Variants in FKBP3 observed in about 807,000 individuals in gnomAD.
FKBP3 encodes the protein FKBP prolyl isomerase 3.
FKBP3 carries 21 observed loss-of-function variants against 30.6 expected under a neutral mutation model. The ratio of observed to expected loss-of-function variants is 0.69; its 90% confidence interval spans 0.49 to 0.99. The LOEUF (loss-of-function observed/expected upper bound fraction) is 0.99, where lower values mean the gene tolerates loss of function less well. Among genes scored for constraint, FKBP3 ranks in the 50% least tolerant of loss-of-function variants. The pLI is 0.00. For missense variants in FKBP3, 283 were observed against 261.6 expected, an observed-to-expected ratio of 1.08 and a Z score of -0.56; for synonymous variants, 82 against 91.3, an observed-to-expected ratio of 0.90 and a Z score of 0.58.
intron 4 of FKBP3, 68 bp downstream of exon 4, chr14:45,121,417 C>T (rs991425233): frequency 1.5e-6 from 2 of 1,344,254 alleles, no homozygotes; most frequent in Middle Eastern, 2.6e-4. Flanking sequence ...GCTAACTACT[C>T]ATCTGTCTGC....
At chr14:45,120,825 G>T in intron 5 of FKBP3, 62 bp downstream of exon 5, 1 of 1,321,368 alleles carries the variant, frequency 7.6e-7, no homozygotes, top group Non-Finnish European at 1.1e-6. Context: ...ATTCTTTACA[G>T]CACCATACCA....
At chr14:45,128,564 C>T (rs1025854827) in intron 3 of FKBP3, among the ~76,000 whole-genome samples, 2 of 152,218 alleles carry the variant, frequency 1.3e-5, no homozygotes, top group South Asian at 4.1e-4. Context: ...AATGCCTGCT[C>T]TCCAGTCCCA....
intron 3 of FKBP3, among the ~76,000 whole-genome samples, chr14:45,123,205 C>A (rs935430584): frequency 2.0e-5 from 3 of 151,000 alleles, no homozygotes; most frequent in African/African-American, 7.3e-5. Flanking sequence ...AAAGTCTGAT[C>A]TCCTTGCAAA....
chr14:45,126,519 T>C (rs1279941381), intron 3 of FKBP3, among the ~76,000 whole-genome samples: 2 of 151,834 alleles, frequency 1.3e-5, no homozygotes, highest in Non-Finnish European at 2.9e-5. Flanking sequence ...AATACGTCTA[T>C]AGAAACATGG....
intron 1 of FKBP3, among the ~76,000 whole-genome samples, chr14:45,133,854 C>T (rs1726865444): frequency 6.6e-6 from 1 of 152,178 alleles, no homozygotes. Flanking sequence ...AAAACTTAAA[C>T]CACAACCTAC....
At chr14:45,130,084 T>G (rs1233839514) in intron 2 of FKBP3, among the ~76,000 whole-genome samples, 183 bp from the exon 3 acceptor site, 1 of 152,180 alleles carries the variant, frequency 6.6e-6, no homozygotes, top group African/African-American at 2.4e-5. Context: ...TAATTTATTT[T>G]TAAACAATAA....
At chr14:45,118,843 C>A (rs2139076191) in intron 5 of FKBP3, among the ~76,000 whole-genome samples, 1 of 152,136 alleles carries the variant, frequency 6.6e-6, no homozygotes, top group Admixed American at 6.6e-5. Flanking sequence ...CACGTTGGCA[C>A]ATAAAATACA....
chr14:45,126,848 T>C (rs1543448), intron 3 of FKBP3, among the ~76,000 whole-genome samples: 102,927 of 151,778 alleles, frequency 0.68, 36,292 homozygotes, highest in African/African-American at 0.88. Context: ...CTGAGTCTCC[T>C]TCTATTGCCC....
chr14:45,131,137 A>G (rs767977436), intron 1 of FKBP3: 4 of 170,852 alleles, frequency 2.3e-5, no homozygotes, highest in Non-Finnish European at 3.7e-5. Flanking sequence ...CTGCAGGAGG[A>G]TACTTGGGTG....
chr14:45,116,721 T>A (rs1321626356), intron 6 of FKBP3, among the ~76,000 whole-genome samples: 1 of 151,764 alleles, frequency 6.6e-6, no homozygotes, highest in Non-Finnish European at 1.5e-5. Flanking sequence ...CCAGGCGTAG[T>A]GGTGCGCACC....
chr14:45,116,339 C>T, intron 6 of FKBP3, 87 bp from the exon 7 acceptor site: 3 of 886,254 alleles, frequency 3.4e-6, no homozygotes, highest in Non-Finnish European at 5.6e-6. Flanking sequence ...ACTAGATAGG[C>T]TCACTAGATA....
chr14:45,124,329 G>A (rs1456643249), intron 3 of FKBP3, among the ~76,000 whole-genome samples: 7 of 151,980 alleles, frequency 4.6e-5, no homozygotes, highest in Non-Finnish European at 1.0e-4. Flanking sequence ...TCAGGAGTTC[G>A]GGACCAACCT....
chr14:45,120,116 G>T (rs917794104), intron 5 of FKBP3, among the ~76,000 whole-genome samples: 1 of 152,110 alleles, frequency 6.6e-6, no homozygotes, highest in African/African-American at 2.4e-5. Flanking sequence ...ATATATTGAA[G>T]GTTCCTATAA....
intron 5 of FKBP3, 96 bp from the exon 6 acceptor site, chr14:45,118,221 C>T: frequency 2.9e-6 from 2 of 694,702 alleles, no homozygotes; most frequent in East Asian, 5.4e-5. Context: ...AAAACAAACA[C>T]AGAATCTATT....
chr14:45,130,081 T>C (rs970898833), intron 2 of FKBP3, among the ~76,000 whole-genome samples, 180 bp from the exon 3 acceptor site: 1 of 152,228 alleles, frequency 6.6e-6, no homozygotes, highest in African/African-American at 2.4e-5. Context: ...TCATAATTTA[T>C]TTTTAAACAA....
At chr14:45,132,954 T>C (rs1885254545) in intron 1 of FKBP3, among the ~76,000 whole-genome samples, 1 of 152,192 alleles carries the variant, frequency 6.6e-6, no homozygotes, top group Non-Finnish European at 1.5e-5. Context: ...GAGAAAATAG[T>C]TCCATTAAAA....
intron 3 of FKBP3, among the ~76,000 whole-genome samples, chr14:45,126,361 G>A (rs753190164): frequency 6.6e-6 from 1 of 151,960 alleles, no homozygotes; most frequent in African/African-American, 2.4e-5. Flanking sequence ...TGTGGTGTGC[G>A]CCTGTAATCC....
At chr14:45,132,657 G>A (rs556272124) in intron 1 of FKBP3, among the ~76,000 whole-genome samples, 9 of 151,890 alleles carry the variant, frequency 5.9e-5, no homozygotes, top group African/African-American at 1.9e-4. Flanking sequence ...GGATGGTCTC[G>A]ATCTCCTGAC....
intron 5 of FKBP3, among the ~76,000 whole-genome samples, chr14:45,119,584 C>T (rs953519752): frequency 2.6e-5 from 4 of 151,638 alleles, no homozygotes; most frequent in South Asian, 4.2e-4. Flanking sequence ...AAAAAGAATA[C>T]GGTAGACTAG....
Sources: allele counts gnomAD v4.1 joint callset (sites outside exome capture counted in the v4.1 genomes callset), GRCh38; gene constraint gnomAD v4.1.1; transcripts MANE v1.5; gene names NCBI Gene and HGNC (gene_info 2026-07-23, HGNC 2026-07-21).